NFATC3: variants seen among roughly 807,000 people sequenced by gnomAD.
The protein encoded by NFATC3 is nuclear factor of activated T cells 3, also known as nuclear factor of activated T-cells, cytoplasmic 3.
A neutral mutation model predicts 98.6 loss-of-function variants in NFATC3; 46 were observed. That is an observed-to-expected ratio of 0.47 (90% confidence interval 0.37 to 0.60). The LOEUF (loss-of-function observed/expected upper bound fraction) is 0.60, where lower values mean the gene tolerates loss of function less well. Among genes scored for constraint, NFATC3 ranks in the 20% least tolerant of loss-of-function variants. The pLI is 0.00. For synonymous variants in NFATC3, 512 were observed against 472.2 expected, an observed-to-expected ratio of 1.08 and a Z score of -1.09; for missense variants, 1,256 against 1,295.5, an observed-to-expected ratio of 0.97 and a Z score of 0.47.
At chr16:68,221,270 C>CT (rs1357952685) in intron 9 of NFATC3, 1 of 1,614,096 alleles carries the variant, frequency 6.2e-7, no homozygotes, top group South Asian at 1.1e-5. Flanking sequence ...AGGAAGATAT[C>CT]TGAGGAATCT....
At chr16:68,161,130 C>T (rs768564821) in intron 4 of NFATC3, among the ~76,000 whole-genome samples, 23 of 152,144 alleles carry the variant, frequency 1.5e-4, no homozygotes, top group Non-Finnish European at 1.8e-4. Context: ...GTTAACATGC[C>T]CAACCTCTGA....
chr16:68,217,464 C>CAAAAAA (rs68079157), intron 9 of NFATC3, among the ~76,000 whole-genome samples: 1 of 44,960 alleles, frequency 2.2e-5, no homozygotes, highest in Non-Finnish European at 4.3e-5. Flanking sequence ...GTCTCTGTCT[C>CAAAAAA]AAAAAAAAAA....
At chr16:68,209,761 T>G (rs1165912441) in intron 9 of NFATC3, 1 of 469,584 alleles carries the variant, frequency 2.1e-6, no homozygotes. Flanking sequence ...AGTGGTTCGT[T>G]GCAGTTGTGT....
chr16:68,215,337 G>A (rs1012468937), intron 9 of NFATC3, among the ~76,000 whole-genome samples: 1 of 152,204 alleles, frequency 6.6e-6, no homozygotes, highest in Non-Finnish European at 1.5e-5. Flanking sequence ...AAACTCTCAG[G>A]AGAGTTATAA....
At chr16:68,100,911 T>TG (rs2035313795) in intron 1 of NFATC3, among the ~76,000 whole-genome samples, 1 of 139,580 alleles carries the variant, frequency 7.2e-6, no homozygotes, top group Non-Finnish European at 1.7e-5. Flanking sequence ...GTGTGGGGTG[T>TG]GTGTGTGTGT....
At chr16:68,112,833 G>T (rs1278066742) in intron 1 of NFATC3, among the ~76,000 whole-genome samples, 2 of 151,240 alleles carry the variant, frequency 1.3e-5, no homozygotes, top group Non-Finnish European at 2.9e-5. Context: ...ATTTTAGCAA[G>T]ATAGTCTTCA....
intron 9 of NFATC3, chr16:68,221,452 T>C: frequency 7.5e-7 from 1 of 1,329,754 alleles, no homozygotes; most frequent in Non-Finnish European, 9.6e-7. Flanking sequence ...TGCTCACCTG[T>C]AGCAATTACT....
chr16:68,111,910 G>A (rs1312106248), intron 1 of NFATC3, among the ~76,000 whole-genome samples: 1 of 152,076 alleles, frequency 6.6e-6, no homozygotes, highest in Non-Finnish European at 1.5e-5. Context: ...ATGACATTTG[G>A]GTTGGAAATT....
chr16:68,157,590 C>T (rs1013664458), intron 3 of NFATC3, among the ~76,000 whole-genome samples: 1 of 152,058 alleles, frequency 6.6e-6, no homozygotes, highest in Non-Finnish European at 1.5e-5. Flanking sequence ...ACAGCAGAGT[C>T]AGAAAGCTTT....
chr16:68,165,673 G>A (rs1051675053), intron 4 of NFATC3, among the ~76,000 whole-genome samples: 1 of 152,150 alleles, frequency 6.6e-6, no homozygotes, highest in Non-Finnish European at 1.5e-5. Flanking sequence ...TGGGATTACA[G>A]GCATGAGCTA....
chr16:68,126,218 A>G (rs1009864609), intron 2 of NFATC3, among the ~76,000 whole-genome samples: 3 of 152,194 alleles, frequency 2.0e-5, no homozygotes, highest in Non-Finnish European at 4.4e-5. Context: ...TTTATCTTTA[A>G]GCATGTACCA....
intron 1 of NFATC3, among the ~76,000 whole-genome samples, chr16:68,097,562 A>T (rs1230879254): frequency 1.3e-5 from 2 of 152,176 alleles, no homozygotes; most frequent in Non-Finnish European, 2.9e-5. Context: ...TTATAATGTG[A>T]AAAGGAGGCT....
intron 4 of NFATC3, among the ~76,000 whole-genome samples, chr16:68,164,854 T>A (rs1434673882): frequency 6.6e-6 from 1 of 152,200 alleles, no homozygotes; most frequent in Non-Finnish European, 1.5e-5. Context: ...CACTCCACCC[T>A]GGTGACAGAG....
rs71268472 is a variant in NFATC3 at position 68,102,374 on chromosome 16, GAAAAAAAAAA to G, written c.103+16608_103+16617del. Among the ~76,000 whole-genome samples, 23 of 30,908 alleles carry G rather than the reference GAAAAAAAAAA, an allele frequency of 7.4e-4. No individual in the cohort carries two copies. In the South Asian group the frequency reaches 0.023, roughly 31 times the overall value. 20.3% of individuals were successfully genotyped at this position (30,908 alleles called of 152,430 possible). On this transcript the variant is annotated intron_variant, in intron 1 of 9. Transcript: ENST00000346183. ...GTGACAGTGTGAGACTCCATCTCAG[GAAAAAAAAAA>G]AAAAAAAAAAAAAAAAAGTCTTCAT... is the stretch of plus-strand genomic sequence containing the variant.
intron 7 of NFATC3, among the ~76,000 whole-genome samples, chr16:68,181,853 G>C (rs1347619248): frequency 6.6e-6 from 1 of 152,140 alleles, no homozygotes; most frequent in Non-Finnish European, 1.5e-5. Context: ...CCTGAGCCTG[G>C]GAGGTCAAGG....
intron 6 of NFATC3, among the ~76,000 whole-genome samples, chr16:68,180,080 T>C (rs2039889716): frequency 6.6e-6 from 1 of 152,200 alleles, no homozygotes; most frequent in Admixed American, 6.5e-5. Context: ...GTACCATGCT[T>C]GGTCATTTCT....
At position 68,122,824 on chromosome 16, in the gene NFATC3, C is replaced by T. The variant is rs752448774; in HGVS notation, c.941C>T (p.Ser314Phe). ...ACAGAAGATACGTGGCTCAATGCTT[C>T]TGTCCATGGTGGGTCAGGCCTTGGC... Reference protein sequence around the residue: ...SVTEDTWLNASVHGGSGLGPA... With the variant: ...SVTEDTWLNAFVHGGSGLGPA... Residue 314 changes from serine to phenylalanine, a missense_variant, in exon 2 of 10, where the codon TCT becomes TTT. Coordinates refer to ENST00000346183, the MANE Select transcript of NFATC3 (RefSeq NM_173165.3). 5.0e-6 allele frequency: 8 copies of T among 1,614,268 alleles called. No individual in the cohort carries two copies. The highest frequency in any genetic ancestry group is 6.8e-6 in the Non-Finnish European group (8 of 1,180,046).
Position 68,191,306 on chromosome 16 carries a change from G to A in NFATC3, c.2637G>A (p.Leu879=). 1 of 1,614,128 alleles carries A rather than the reference G, an allele frequency of 6.2e-7. No homozygotes were observed. Among genetic ancestry groups the A allele is most frequent in the Non-Finnish European group, 8.5e-7 (1 of 1,180,026 alleles). The change falls in exon 9 of 10, where the codon CTG becomes CTA. Residue 879 remains leucine, a synonymous_variant. Transcript: ENST00000346183. ...ATTCTGTGCATACCCTGCCTCATCTGCAATCAATGGGATATCATTGTTCAA... is the reference window on the plus strand; with the variant it reads ...ATTCTGTGCATACCCTGCCTCATCTACAATCAATGGGATATCATTGTTCAA... The part of the protein sequence containing the change: ...TPHSVHTLPH[L]QSMGYHCSNT...
intron 7 of NFATC3, among the ~76,000 whole-genome samples, chr16:68,181,800 G>C (rs954104653): frequency 1.3e-5 from 2 of 152,054 alleles, no homozygotes; most frequent in African/African-American, 4.8e-5. Flanking sequence ...GGTGAGGTGC[G>C]CCTGTAGTGC....
Sources: gnomAD v4.1 joint callset for allele counts (sites outside exome capture counted in the v4.1 genomes callset) on GRCh38, gnomAD v4.1.1 for gene constraint, MANE v1.5 for transcripts, NCBI Gene and HGNC (gene_info 2026-07-23, HGNC 2026-07-21) for gene names.